The following SCGB1D2 variants were observed in gnomAD, a reference collection of about 807,000 sequenced individuals.
The protein encoded by SCGB1D2 is secretoglobin family 1D member 2.
A neutral mutation model predicts 10.5 loss-of-function variants in SCGB1D2; 10 were observed. The ratio of observed to expected loss-of-function variants is 0.95; its 90% CI spans 0.59 to 1.61. The LOEUF (loss-of-function observed/expected upper bound fraction) is 1.61. Ranked by LOEUF, SCGB1D2 falls within the 40% of genes most tolerant of loss-of-function variation. The pLI is 0.00. For missense variants in SCGB1D2, 113 were observed against 103.8 expected (o/e 1.09, Z -0.38); for synonymous variants, 42 against 42.8 (o/e 0.98, Z 0.08).
chr11:62,243,543 T>G (rs1945082449), intron 2 of SCGB1D2, 67 bp downstream of exon 2: 1 of 1,377,754 alleles, frequency 7.3e-7, no homozygotes, highest in Non-Finnish European at 1.0e-6. Context: ...GAGGTCAGCT[T>G]GCTGCTCTGT....
At chr11:62,244,522 C>A in intron 2 of SCGB1D2, 148 bp from the exon 3 acceptor site, 1 of 684,214 alleles carries the variant, frequency 1.5e-6, no homozygotes, top group Non-Finnish European at 2.5e-6. Flanking sequence ...GCCACCAGGT[C>A]TAGGCCTCAG....
At chr11:62,244,544 G>T in intron 2 of SCGB1D2, 126 bp from the exon 3 acceptor site, 2 of 794,352 alleles carry the variant, frequency 2.5e-6, no homozygotes, top group Admixed American at 2.3e-5. Flanking sequence ...TTCCCAAACT[G>T]AGTTGTTGCC....
In SCGB1D2 at chr11:62,243,395, A is replaced by C. The variant is rs769410146; in HGVS notation, c.162A>C (p.Glu54Asp). 1.1e-5 allele frequency: 18 copies of C among 1,614,042 alleles called. No individual in the cohort carries two copies. The highest frequency in any genetic ancestry group is 1.4e-5 in the Non-Finnish European group (16 of 1,179,998). Residue 54 changes from glutamate (E) to aspartate (D), a missense_variant, in exon 2 of 3, where the codon GAA (glutamate) becomes GAC (aspartate). Physicochemically the swap from Glu to Asp is conservative, Grantham distance 45 (BLOSUM62 2). Transcript: ENST00000244926. ...LSLAKFDAPP[E>D]AVAAKLGVKR... Reference sequence around the variant, plus strand: ...TTGCCAAATTTGATGCCCCTCCGGAAGCTGTTGCAGCCAAGTTAGGAGTGA... The same window carrying C: ...TTGCCAAATTTGATGCCCCTCCGGACGCTGTTGCAGCCAAGTTAGGAGTGA...
At chr11:62,244,214 G>A (rs1047729788) in intron 2 of SCGB1D2, among the ~76,000 whole-genome samples, 5 of 152,256 alleles carry the variant, frequency 3.3e-5, no homozygotes, top group African/African-American at 9.6e-5. Context: ...CTGCAGGCTC[G>A]GGACTGAGAG....
intron 1 of SCGB1D2, among the ~76,000 whole-genome samples, chr11:62,242,985 A>G (rs1249505462): frequency 6.6e-6 from 1 of 152,166 alleles, no homozygotes; most frequent in Non-Finnish European, 1.5e-5. Context: ...TCAGCTACTT[A>G]GGGGGCTGAG....
chr11:62,244,282 A>T (rs1323715030), intron 2 of SCGB1D2, among the ~76,000 whole-genome samples: 1 of 152,058 alleles, frequency 6.6e-6, no homozygotes, highest in Non-Finnish European at 1.5e-5. Flanking sequence ...CCTGGAAGCC[A>T]AGCTTCCCAG....
chr11:62,242,262 T>C lies in SCGB1D2; in HGVS notation c.-46T>C. 6.2e-7 allele frequency: 1 copy of C among 1,608,732 alleles called. No individual in the cohort carries two copies. The highest frequency in any genetic ancestry group is 8.5e-7 in the Non-Finnish European group (1 of 1,175,464). Reference sequence around the variant, plus strand: ...ACAGGCTCCTGGGGTGGAGTCCAAATCACTCATTGTTTGTGAAAGCTGAGC... The same window carrying C: ...ACAGGCTCCTGGGGTGGAGTCCAAACCACTCATTGTTTGTGAAAGCTGAGC... On this transcript the variant is annotated 5_prime_UTR_variant, in exon 1 of 3. Coordinates refer to ENST00000244926, the MANE Select transcript of SCGB1D2 (RefSeq NM_006551.4).
Position 62,244,663 on chromosome 11 carries a change from A to G in SCGB1D2, c.244-7A>G, listed in dbSNP as rs201771574. 1.2e-6 allele frequency: 2 copies of G among 1,612,174 alleles called. No individual in the cohort carries two copies. The highest frequency in any genetic ancestry group is 1.7e-6 in the Non-Finnish European group (2 of 1,179,046). On this transcript the variant is annotated splice_region_variant and splice_polypyrimidine_tract_variant and intron_variant, in intron 2 of 2. Coordinates refer to ENST00000244926, the MANE Select transcript of SCGB1D2 (RefSeq NM_006551.4). ...ACCCCACCTTCTTTTTTCTTTTCCTATTTTAGGTGAAAATATTGAAGAAAT... is the reference window on the plus strand; with the variant it reads ...ACCCCACCTTCTTTTTTCTTTTCCTGTTTTAGGTGAAAATATTGAAGAAAT...
chr11:62,243,724 T>A (rs2134755314), intron 2 of SCGB1D2, among the ~76,000 whole-genome samples: 1 of 152,096 alleles, frequency 6.6e-6, no homozygotes, highest in South Asian at 2.1e-4. Flanking sequence ...GTCCCCAGAG[T>A]GTGCTGAGGA....
intron 2 of SCGB1D2, 136 bp downstream of exon 2, chr11:62,243,612 G>A: frequency 2.9e-6 from 2 of 701,024 alleles, no homozygotes; most frequent in Non-Finnish European, 4.8e-6. Context: ...AGGTCACCTG[G>A]GGCCACAGGG....
At position 62,243,263 on chromosome 11, in the gene SCGB1D2, A is replaced by G. The variant is rs1326931890; in HGVS notation, c.56-26A>G. On this transcript the variant is annotated intron_variant, in intron 1 of 2. Transcript: ENST00000244926. ...AGAAAAATCGACTTTCCTAACATCAACTATATTTTTATTCTTTTGCTGCAG... is the reference window on the plus strand; with the variant it reads ...AGAAAAATCGACTTTCCTAACATCAGCTATATTTTTATTCTTTTGCTGCAG... The G allele has an allele frequency of 5.0e-6, 8 of 1,599,864 alleles. No individual in the cohort carries two copies. In the East Asian group the frequency reaches 6.7e-5, roughly 13 times the overall value.
At position 62,244,806 on chromosome 11, in the gene SCGB1D2, C is replaced by G. The variant is rs923115282; in HGVS notation, c.*107C>G. ...CTTGCTTTAATAAATCACTTGCTCT[C>G]CACGTCTCCACTGGTCTTGTTATAA... On this transcript the variant is annotated 3_prime_UTR_variant, in exon 3 of 3. Coordinates refer to ENST00000244926, the MANE Select transcript of SCGB1D2 (RefSeq NM_006551.4). 4.2e-6 allele frequency: 4 copies of G among 955,840 alleles called. No individual in the cohort carries two copies. In the African/African-American group the frequency reaches 4.9e-5, roughly 12 times the overall value. The allele number at this position is 955,840 out of a possible 1,614,324, so 59.2% of individuals were successfully genotyped here. A position where few individuals can be genotyped will look rare whatever the true frequency, so the allele number is the denominator to read the frequency against.
At chr11:62,243,182 G>A (rs1319896060) in intron 1 of SCGB1D2, 107 bp from the exon 2 acceptor site, 1 of 820,838 alleles carries the variant, frequency 1.2e-6, no homozygotes, top group Non-Finnish European at 1.9e-6. Flanking sequence ...CACAACAAAT[G>A]TATGTGAACA....
rs1352995491 is a variant in SCGB1D2, at chr11:62,243,607, A to G, written c.243+131A>G. ...TTGCTGGTCACCTCTTGAGAAGGTC[A>G]CCTGGGGCCACAGGGTGGGTGCCAC... On this transcript the variant is annotated intron_variant, in intron 2 of 2. Transcript: ENST00000244926. 3 of 721,520 alleles carry G rather than the reference A, an allele frequency of 4.2e-6. No individual in the cohort carries two copies. In the African/African-American group the frequency reaches 5.3e-5, roughly 13 times the overall value. 44.7% of individuals were successfully genotyped at this position (721,520 alleles called of 1,614,324 possible). A position where few individuals can be genotyped will look rare whatever the true frequency, so the allele number is the denominator to read the frequency against.
chr11:62,244,743 A>G lies in SCGB1D2; in HGVS notation c.*44A>G, dbSNP rs1350313242. 2.0e-6 allele frequency: 3 copies of G among 1,522,656 alleles called. No homozygotes were observed. The East Asian group carries it at 6.8e-5, about 34-fold the overall frequency. The allele number at this position is 1,522,656 out of a possible 1,614,324, so 94.3% of individuals were successfully genotyped here. A position where few individuals can be genotyped will look rare whatever the true frequency, so the allele number is the denominator to read the frequency against. On this transcript the variant is annotated 3_prime_UTR_variant, in exon 3 of 3. Coordinates refer to ENST00000244926, the MANE Select transcript of SCGB1D2 (RefSeq NM_006551.4). Reference sequence around the variant, plus strand: ...CTGGTTTCCACTGTCTTTCAATGACACCCTGATCTTCACTGCAGAATGTAA... The same window carrying G: ...CTGGTTTCCACTGTCTTTCAATGACGCCCTGATCTTCACTGCAGAATGTAA...
chr11:62,244,520 G>A (rs1945092655), intron 2 of SCGB1D2, 150 bp from the exon 3 acceptor site: 1 of 677,992 alleles, frequency 1.5e-6, no homozygotes. Context: ...AGGCCACCAG[G>A]TCTAGGCCTC....
chr11:62,244,495 G>A (rs995804167), intron 2 of SCGB1D2, among the ~76,000 whole-genome samples, 175 bp from the exon 3 acceptor site: 10 of 152,156 alleles, frequency 6.6e-5, no homozygotes, highest in African/African-American at 9.6e-5. Context: ...CTCCATCACC[G>A]GCATGGGTGC....
In SCGB1D2 at chr11:62,243,495, A is replaced by G; in HGVS notation, c.243+19A>G. ...AGTCCTGGTAACTTCTTTCTCCTTT[A>G]TTTGTTAAGGCTTCTGGTCAGCTGC... is the stretch of plus-strand genomic sequence containing the variant. On this transcript the variant is annotated intron_variant, in intron 2 of 2. Coordinates refer to ENST00000244926, the MANE Select transcript of SCGB1D2 (RefSeq NM_006551.4). 5 of 1,601,894 alleles carry G rather than the reference A, an allele frequency of 3.1e-6. No individual in the cohort carries two copies. Among genetic ancestry groups the G allele is most frequent in the Non-Finnish European group, 4.3e-6 (5 of 1,171,838 alleles).
Position 62,244,654 on chromosome 11 carries a change from TC to T in SCGB1D2, c.244-15del. 1 of 1,612,546 alleles carries T rather than the reference TC, an allele frequency of 6.2e-7. No homozygotes were observed. Among genetic ancestry groups the T allele is most frequent in the Non-Finnish European group, 8.5e-7 (1 of 1,179,094 alleles). On this transcript the variant is annotated splice_polypyrimidine_tract_variant and intron_variant, in intron 2 of 2. Transcript: ENST00000244926. ...GCATGACTGACCCCACCTTCTTTTT[TC>T]TTTTCCTATTTTAGGTGAAAATATT...
Sources: gnomAD v4.1 joint callset for allele counts (sites outside exome capture counted in the v4.1 genomes callset) on GRCh38, gnomAD v4.1.1 for gene constraint, MANE v1.5 for transcripts, NCBI Gene and HGNC (gene_info 2026-07-23, HGNC 2026-07-21) for gene names.